The following COMT variants were observed in gnomAD, a reference collection of about 807,000 sequenced individuals.
COMT encodes catechol-O-methyltransferase.
In COMT, 13 loss-of-function variants were observed where a neutral mutation model predicts 18.9. That is an observed-to-expected ratio of 0.69 (90% CI 0.45 to 1.09). The LOEUF (loss-of-function observed/expected upper bound fraction) is 1.09. COMT is among the 50% of genes least tolerant of loss of function. The pLI is 0.00. For synonymous variants in COMT, 150 were observed against 160.9 expected, an observed-to-expected ratio of 0.93 and a Z score of 0.51; for missense variants, 329 against 361.8, an observed-to-expected ratio of 0.91 and a Z score of 0.73.
intron 1 of COMT, among the ~76,000 whole-genome samples, chr22:19,951,288 G>C (rs1358170574): frequency 6.8e-6 from 1 of 146,634 alleles, no homozygotes; most frequent in African/African-American, 2.5e-5. Flanking sequence ...GAACCCGGGG[G>C]ACGGAGCTTG....
chr22:19,963,022 G>A (rs1206014587), intron 3 of COMT: 2 of 609,480 alleles, frequency 3.3e-6, no homozygotes, highest in East Asian at 5.6e-5. Flanking sequence ...TGCTGCCCCA[G>A]GACAACAGGC....
intron 5 of COMT, chr22:19,967,552 C>G: frequency 2.7e-6 from 1 of 372,838 alleles, no homozygotes; most frequent in Admixed American, 3.4e-5. Flanking sequence ...AGCATACAGG[C>G]TGGAAACGAC....
intron 1 of COMT, among the ~76,000 whole-genome samples, chr22:19,950,449 T>C (rs189936554): frequency 3.9e-5 from 6 of 152,236 alleles, no homozygotes; most frequent in Non-Finnish European, 8.8e-5. Context: ...ACTTGCTCCA[T>C]GTGAGGGGAA....
intron 1 of COMT, among the ~76,000 whole-genome samples, chr22:19,958,039 A>G (rs1242100933): frequency 6.6e-6 from 1 of 152,162 alleles, no homozygotes; most frequent in African/African-American, 2.4e-5. Flanking sequence ...CCTGTTTTCA[A>G]TTCTTGGTAT....
intron 1 of COMT, among the ~76,000 whole-genome samples, chr22:19,955,582 C>T (rs1234598260): frequency 2.0e-5 from 3 of 152,230 alleles, no homozygotes; most frequent in Non-Finnish European, 4.4e-5. Flanking sequence ...ACCTGTGTGC[C>T]GAGCAGAGCT....
chr22:19,967,586 G>A (rs1271781191), intron 5 of COMT: 3 of 365,210 alleles, frequency 8.2e-6, no homozygotes, highest in Admixed American at 3.6e-5. Flanking sequence ...CAGGACAGCT[G>A]CAAGCCCTGT....
chr22:19,963,754 G>A lies in COMT; in HGVS notation c.478G>A (p.Asp160Asn), dbSNP rs1050746597. The A allele has an allele frequency of 3.7e-6, 6 of 1,610,498 alleles. No homozygotes were observed. The African/African-American group carries it at 6.7e-5, about 18-fold the overall frequency. Reference protein sequence around the residue: ...QRMVDFAGVKDKVTLVVGASQ... With the variant: ...QRMVDFAGVKNKVTLVVGASQ... ...GATGGTGGATTTCGCTGGCGTGAAG[G>A]ACAAGGTGTGCATGCCTGACCCGTT... is the stretch of plus-strand genomic sequence containing the variant. Residue 160 changes from aspartate (D) to asparagine (N), a missense_variant, in exon 4 of 6, where the codon GAC becomes AAC. Asp to Asn is a conservative substitution (Grantham distance 23, BLOSUM62 1). Transcript: ENST00000361682.
Position 19,969,020 on chromosome 22 carries a change from T to A in COMT, c.*284T>A. On this transcript the variant is annotated 3_prime_UTR_variant, in exon 6 of 6. Coordinates refer to ENST00000361682, the MANE Select transcript of COMT (RefSeq NM_000754.4). ...AAATAGAAATTAAGAATCTAAATAT[T>A]TAGATATAACTCGACTTAGTACATC... The A allele has an allele frequency of 3.2e-6, 1 of 317,172 alleles. No homozygotes were observed. Among genetic ancestry groups the A allele is most frequent in the East Asian group, 7.4e-5 (1 of 13,522 alleles). The allele number at this position is 317,172 out of a possible 1,614,324, so 19.6% of individuals were successfully genotyped here.
chr22:19,959,440 T>G (rs1037625277), intron 1 of COMT, among the ~76,000 whole-genome samples: 2 of 152,180 alleles, frequency 1.3e-5, no homozygotes, highest in Admixed American at 6.5e-5. Flanking sequence ...TTGGATGTGG[T>G]CCCGCGTCCC....
At chr22:19,957,922 G>A (rs1942100499) in intron 1 of COMT, among the ~76,000 whole-genome samples, 1 of 152,142 alleles carries the variant, frequency 6.6e-6, no homozygotes, top group Non-Finnish European at 1.5e-5. Flanking sequence ...GCTCTACCAT[G>A]TTTTATTATC....
chr22:19,962,189 A>C, intron 2 of COMT: 2 of 378,448 alleles, frequency 5.3e-6, no homozygotes, highest in Non-Finnish European at 5.0e-6. Context: ...CTGGGAGACA[A>C]CAGCCTGAGT....
Position 19,962,706 on chromosome 22 carries a change from G to A in COMT, c.180G>A (p.Leu60=), listed in dbSNP as rs1395215172. 6.2e-7 allele frequency: 1 copy of A among 1,613,722 alleles called. No individual in the cohort carries two copies. The highest frequency in any genetic ancestry group is 1.7e-5 in the Admixed American group (1 of 60,018). ...LMGDTKEQRI[L]NHVLQHAEPG... ...GTGACACCAAGGAGCAGCGCATCCT[G>A]AACCACGTGCTGCAGCATGCGGAGC... is the stretch of plus-strand genomic sequence containing the variant. The change falls in exon 3 of 6, where the codon CTG becomes CTA. Residue 60 remains leucine, a synonymous_variant. Transcript: ENST00000361682.
intron 1 of COMT, among the ~76,000 whole-genome samples, chr22:19,947,220 A>G (rs945138520): frequency 1.3e-5 from 2 of 151,598 alleles, no homozygotes; most frequent in African/African-American, 4.8e-5. Flanking sequence ...CCGGCCCTAA[A>G]TAACATTTTT....
intron 1 of COMT, among the ~76,000 whole-genome samples, chr22:19,955,686 G>A (rs1352482574): frequency 6.6e-6 from 1 of 152,256 alleles, no homozygotes; most frequent in African/African-American, 2.4e-5. Context: ...CTCCCCGACT[G>A]GGCCACCAGC....
rs1320156279 is a variant in COMT at position 19,962,508 on chromosome 22, CT to C, written c.1-18del. On this transcript the variant is annotated intron_variant, in intron 2 of 5. Coordinates refer to ENST00000361682, the MANE Select transcript of COMT (RefSeq NM_000754.4). ...GGAGGAGCACAGAGCACTGGCGCCC[CT>C]CCCCTCCCGCCCTGCAGATGCCGGA... The C allele has an allele frequency of 6.5e-7, 1 of 1,542,534 alleles. No homozygotes were observed. Among genetic ancestry groups the C allele is most frequent in the African/African-American group, 1.4e-5 (1 of 73,110 alleles).
intron 1 of COMT, among the ~76,000 whole-genome samples, chr22:19,944,116 G>A (rs896394812): frequency 1.3e-5 from 2 of 152,178 alleles, no homozygotes; most frequent in Non-Finnish European, 2.9e-5. Flanking sequence ...ACCAAGTCAG[G>A]GAGGAGACAA....
At chr22:19,950,635 G>A (rs1000641500) in intron 1 of COMT, among the ~76,000 whole-genome samples, 21 of 152,116 alleles carry the variant, frequency 1.4e-4, no homozygotes, top group Admixed American at 2.6e-4. Flanking sequence ...AGGGGCTGGA[G>A]GGGGAAGAGA....
chr22:19,964,101 G>T, intron 4 of COMT, 67 bp from the exon 5 acceptor site: 1 of 1,613,508 alleles, frequency 6.2e-7, no homozygotes, highest in Non-Finnish European at 8.5e-7. Flanking sequence ...GACAGGCGCT[G>T]TTGTATAGGT....
At chr22:19,963,982 A>C (rs1363005348) in intron 4 of COMT, 186 bp from the exon 5 acceptor site, 4 of 1,268,766 alleles carry the variant, frequency 3.2e-6, no homozygotes, top group Non-Finnish European at 4.5e-6. Flanking sequence ...TGGCACCAGG[A>C]GGGGCAGGGA....
Sources: gnomAD v4.1 joint callset for allele counts (sites outside exome capture counted in the v4.1 genomes callset) on GRCh38, gnomAD v4.1.1 for gene constraint, MANE v1.5 for transcripts, NCBI Gene and HGNC (gene_info 2026-07-23, HGNC 2026-07-21) for gene names.